The following BAIAP3 variants were observed in gnomAD, a reference collection of about 807,000 sequenced individuals.
BAIAP3 encodes BAI1-associated protein 3.
BAIAP3 carries 180 observed loss-of-function variants against 149.7 expected under a neutral mutation model. The observed-to-expected ratio is 1.20, with a 90% CI of 1.07 to 1.36. The LOEUF (loss-of-function observed/expected upper bound fraction) is 1.36. BAIAP3 is among the 40% of genes most tolerant of loss of function. BAIAP3 has a pLI of 0.00. For synonymous variants in BAIAP3, 845 were observed against 670.7 expected (o/e 1.26, Z -4.02); for missense variants, 1,767 against 1,563.4 (o/e 1.13, Z -2.20).
chr16:1,346,627 A>G lies in BAIAP3; in HGVS notation c.2585A>G (p.Tyr862Cys). 1.4e-6 allele frequency: 2 copies of G among 1,478,612 alleles called. No homozygotes were observed. Among genetic ancestry groups the G allele is most frequent in the Non-Finnish European group, 1.8e-6 (2 of 1,108,628 alleles). 91.6% of individuals were successfully genotyped at this position (1,478,612 alleles called of 1,614,324 possible). ...NDEAVAPLMKYLDEKLALLNA... is the reference protein window; with the variant it reads ...NDEAVAPLMKCLDEKLALLNA... ...CAGGCCGTGGCCCCGCTCATGAAGT[A>G]CCTGGATGAGAAGCTGGCCCTGCTG... is the stretch of plus-strand genomic sequence containing the variant. The change falls in exon 27 of 34, where the codon TAC becomes TGC. Residue 862 changes from tyrosine to cysteine, a missense_variant. Tyr to Cys is a radical substitution (Grantham distance 194). Coordinates refer to ENST00000426824, the MANE Select transcript of BAIAP3 (RefSeq NM_001199097.2).
At chr16:1,341,889 G>A (rs773882045) in intron 9 of BAIAP3, 23 bp downstream of exon 9, 2 of 1,607,076 alleles carry the variant, frequency 1.2e-6, no homozygotes, top group Admixed American at 3.4e-5. Context: ...GCGCCATGCA[G>A]GGCGGCGGGG....
chr16:1,346,448 G>C lies in BAIAP3; in HGVS notation c.2500G>C (p.Gly834Arg), dbSNP rs1207327071. ...GCACTGCTCCTGCCCTCAGATGGTG[G>C]GCGACATCCGCAAGTATGTACAGCA... ...VTAHLTSKMV[G>R]DIRKYVQHIS... The change falls in exon 26 of 34, where the codon GGC (glycine) becomes CGC (arginine). Residue 834 changes from glycine (G) to arginine (R), a missense_variant. Gly to Arg is a moderately radical substitution (Grantham distance 125). Transcript: ENST00000426824. 2 of 1,612,296 alleles carry C rather than the reference G, an allele frequency of 1.2e-6. No homozygotes were observed. Among genetic ancestry groups the C allele is most frequent in the Non-Finnish European group, 1.7e-6 (2 of 1,179,742 alleles).
rs1164752333 is a variant in BAIAP3 at position 1,339,590 on chromosome 16, G to A, written c.395G>A (p.Ser132Asn). 1.2e-6 allele frequency: 2 copies of A among 1,611,796 alleles called. No homozygotes were observed. Reference protein sequence around the residue: ...DQVDDEEALLSYLQQVFGTSL... With the variant: ...DQVDDEEALLNYLQQVFGTSL... ...GTGGACGACGAGGAGGCCCTGCTCAGCTATCTCCAGCAGGTCAGCCCACCC... is the reference window on the plus strand; with the variant it reads ...GTGGACGACGAGGAGGCCCTGCTCAACTATCTCCAGCAGGTCAGCCCACCC... Residue 132 changes from serine (S) to asparagine (N), a missense_variant, in exon 5 of 34, where the codon AGC becomes AAC. Transcript: ENST00000426824.
At chr16:1,341,070 G>A in intron 6 of BAIAP3, 59 bp from the exon 7 acceptor site, 1 of 1,611,276 alleles carries the variant, frequency 6.2e-7, no homozygotes, top group Non-Finnish European at 8.5e-7. Context: ...TCCATGCTAA[G>A]TAGGGCATCT....
rs1340952166 is a variant in BAIAP3, at chr16:1,346,298, A to G, written c.2430A>G (p.Thr810=). The G allele has an allele frequency of 2.5e-6, 4 of 1,606,416 alleles. No homozygotes were observed. Among genetic ancestry groups the G allele is most frequent in the Non-Finnish European group, 3.4e-6 (4 of 1,175,364 alleles). The change falls in exon 25 of 34, where the codon ACA becomes ACG. Residue 810 remains threonine (T), a synonymous_variant. Transcript: ENST00000426824. The part of the protein sequence containing the change: ...GVLPRPLLSC[T]QALDDDLQRE... ...TCCCCCGCCCTCTGCTCAGCTGCAC[A>G]CAGGCCCTGGACGATGATCTGCAAC...
Position 1,341,801 on chromosome 16 carries a change from G to C in BAIAP3, c.732-21G>C, listed in dbSNP as rs775350931. On this transcript the variant is annotated intron_variant, in intron 8 of 33. Coordinates refer to ENST00000426824, the MANE Select transcript of BAIAP3 (RefSeq NM_001199097.2). ...AGAGCCTCGCCGGGGACCCTCATGGGCATCTCTGTTCTCCTTGTAGCGAGA... is the reference window on the plus strand; with the variant it reads ...AGAGCCTCGCCGGGGACCCTCATGGCCATCTCTGTTCTCCTTGTAGCGAGA... The C allele has an allele frequency of 8.1e-6, 13 of 1,610,304 alleles. No individual in the cohort carries two copies. In the East Asian group the frequency reaches 2.5e-4, roughly 30 times the overall value.
chr16:1,340,190 C>T (rs1416797257), intron 5 of BAIAP3, among the ~76,000 whole-genome samples: 2 of 39,354 alleles, frequency 5.1e-5, no homozygotes, highest in African/African-American at 2.1e-4. Context: ...TGCACACAGA[C>T]ACACGCACAC....
chr16:1,342,430 G>C (rs769011408), intron 11 of BAIAP3, 97 bp from the exon 12 acceptor site: 1 of 1,386,082 alleles, frequency 7.2e-7, no homozygotes. Flanking sequence ...CCGGAGAAGG[G>C]AAGCCCAGGC....
intron 12 of BAIAP3, 34 bp from the exon 13 acceptor site, chr16:1,342,685 C>T (rs777087203): frequency 6.2e-7 from 1 of 1,611,082 alleles, no homozygotes; most frequent in African/African-American, 1.3e-5. Flanking sequence ...GGGGCGGGGG[C>T]AGAGCTGGTG....
At position 1,338,983 on chromosome 16, in the gene BAIAP3, C is replaced by A; in HGVS notation, c.213C>A (p.Cys71Ter). The A allele has an allele frequency of 6.2e-7, 1 of 1,612,822 alleles. No homozygotes were observed. The highest frequency in any genetic ancestry group is 8.5e-7 in the Non-Finnish European group (1 of 1,179,846). ...GGGAAGGCAGACAGGGCTTGCCGTG[C>A]CTCGAGGTAAGGGTGCCACCCCCAG... is the stretch of plus-strand genomic sequence containing the variant. ...KKGEGRQGLP[C>*]LEVPLRSGSP... Residue 71 changes from cysteine (C) to a stop codon, truncating the protein, a stop_gained, in exon 3 of 34, where the codon TGC becomes TGA. Coordinates refer to ENST00000426824, the MANE Select transcript of BAIAP3 (RefSeq NM_001199097.2). LOFTEE classifies it high-confidence loss of function.
chr16:1,342,818 G>A lies in BAIAP3; in HGVS notation c.1161+4G>A, dbSNP rs2034016081. The A allele has an allele frequency of 6.2e-7, 1 of 1,612,704 alleles. No homozygotes were observed. ...GTTGGAGCACTCAGCAGAGGAGGTA[G>A]TGGGTGCGCCTAGGATTGGAACAGC... On this transcript the variant is annotated splice_donor_region_variant and intron_variant, in intron 13 of 33. Coordinates refer to ENST00000426824, the MANE Select transcript of BAIAP3 (RefSeq NM_001199097.2).
At chr16:1,337,811 G>A (rs1051759190) in intron 1 of BAIAP3, among the ~76,000 whole-genome samples, 4 of 152,186 alleles carry the variant, frequency 2.6e-5, no homozygotes, top group Non-Finnish European at 5.9e-5. Flanking sequence ...GGCCCGGCTC[G>A]CTTCATGTTC....
At chr16:1,338,284 C>T (rs566575188) in intron 1 of BAIAP3, among the ~76,000 whole-genome samples, 3 of 152,270 alleles carry the variant, frequency 2.0e-5, no homozygotes, top group Non-Finnish European at 2.9e-5. Flanking sequence ...GCACCAGCCC[C>T]GCCTTTGACA....
intron 1 of BAIAP3, chr16:1,334,645 C>T: frequency 6.5e-7 from 1 of 1,544,912 alleles, no homozygotes; most frequent in South Asian, 1.2e-5. Context: ...AATGCAGATT[C>T]CCGGGGTTCG....
In BAIAP3 at chr16:1,346,278, C is replaced by T. The variant is rs751837612; in HGVS notation, c.2410C>T (p.Arg804Cys). Residue 804 changes from arginine (R) to cysteine (C), a missense_variant, in exon 25 of 34, where the codon CGC becomes TGC. Transcript: ENST00000426824. ...CACGGGGCCCGAGGGGGTGCTCCCCCGCCCTCTGCTCAGCTGCACACAGGC... is the reference window on the plus strand; with the variant it reads ...CACGGGGCCCGAGGGGGTGCTCCCCTGCCCTCTGCTCAGCTGCACACAGGC... ...GATGPEGVLP[R>C]PLLSCTQALD... 5.3e-5 allele frequency: 86 copies of T among 1,608,694 alleles called. No individual in the cohort carries two copies. The highest frequency in any genetic ancestry group is 1.7e-4 in the Admixed American group (10 of 59,752).
At chr16:1,334,437 G>A in intron 1 of BAIAP3, 1 of 569,254 alleles carries the variant, frequency 1.8e-6, no homozygotes, top group South Asian at 2.1e-5. Context: ...GGGGCCCCGG[G>A]AAAGGGGGTG....
In BAIAP3 at chr16:1,348,938, G is replaced by C; in HGVS notation, c.*456G>C. The C allele has an allele frequency of 3.8e-6, 1 of 261,024 alleles. No individual in the cohort carries two copies. Among genetic ancestry groups the C allele is most frequent in the South Asian group, 4.8e-5 (1 of 20,884 alleles). 16.2% of individuals were successfully genotyped at this position (261,024 alleles called of 1,614,324 possible). ...AGGGTGCCACTGGCACCACTGGGTG[G>C]ATGGTCCAGAGCCTCCACCCACAGA... On this transcript the variant is annotated 3_prime_UTR_variant, in exon 34 of 34. Transcript: ENST00000426824.
rs75271587 is a variant in BAIAP3, at chr16:1,341,361, A to G, written c.603A>G (p.Ala201=). ...PASDATREPR[A]QKEQRFGFRK... Reference sequence around the variant, plus strand: ...CGGACGCCACGCGGGAGCCCCGTGCACAGAAGGAGCAGCGCTTCGGCTTCC... The same window carrying G: ...CGGACGCCACGCGGGAGCCCCGTGCGCAGAAGGAGCAGCGCTTCGGCTTCC... Residue 201 remains alanine (A), a synonymous_variant, in exon 8 of 34, where the codon GCA becomes GCG. Transcript: ENST00000426824. The G allele has an allele frequency of 1.6e-3, 2,512 of 1,612,430 alleles. 30 individuals carry two copies. The African/African-American group carries it at 0.03, about 19-fold the overall frequency.
At chr16:1,338,464 C>T (rs541831650) in intron 1 of BAIAP3, 76 bp from the exon 2 acceptor site, 1 of 212,154 alleles carries the variant, frequency 4.7e-6, no homozygotes, top group Non-Finnish European at 8.8e-6. Flanking sequence ...CCCCACCCCC[C>T]CACCCCCCCG....
Sources: gnomAD v4.1 joint callset for allele counts (sites outside exome capture counted in the v4.1 genomes callset) on GRCh38, gnomAD v4.1.1 for gene constraint, MANE v1.5 for transcripts, NCBI Gene and HGNC (gene_info 2026-07-23, HGNC 2026-07-21) for gene names.